The following SPNS3 variants were observed in gnomAD, a reference collection of about 807,000 sequenced individuals.
The protein encoded by SPNS3 is protein spinster homolog 3.
SPNS3 carries 51 observed loss-of-function variants against 54.4 expected under a neutral mutation model. The observed-to-expected ratio is 0.94, with a 90% confidence interval of 0.75 to 1.18. SPNS3 has a LOEUF of 1.18. Ranked by LOEUF, SPNS3 falls within the 50% of genes most tolerant of loss-of-function variation. The pLI is 0.00. For synonymous variants in SPNS3, 309 were observed against 294.7 expected, an observed-to-expected ratio of 1.05 and a Z score of -0.50; for missense variants, 669 against 677.4, an observed-to-expected ratio of 0.99 and a Z score of 0.14.
intron 8 of SPNS3, among the ~76,000 whole-genome samples, chr17:4,476,707 G>C (rs905011473): frequency 2.0e-5 from 3 of 152,138 alleles, no homozygotes; most frequent in African/African-American, 7.2e-5. Flanking sequence ...GCCCCTGTGG[G>C]TGCCCGGCCC....
chr17:4,447,620 G>C (rs905226534), intron 5 of SPNS3, among the ~76,000 whole-genome samples: 16 of 152,162 alleles, frequency 1.1e-4, no homozygotes, highest in African/African-American at 3.9e-4. Flanking sequence ...GGTGGGGTGG[G>C]CTTCAAGGAG....
chr17:4,484,141 A>G (rs1396526488), intron 9 of SPNS3, among the ~76,000 whole-genome samples: 1 of 152,116 alleles, frequency 6.6e-6, no homozygotes, highest in Non-Finnish European at 1.5e-5. Flanking sequence ...AAGGCCTGCA[A>G]TCCTCTCTCA....
chr17:4,457,801 C>T (rs1021564618), intron 8 of SPNS3, among the ~76,000 whole-genome samples: 2 of 152,158 alleles, frequency 1.3e-5, no homozygotes, highest in African/African-American at 4.8e-5. Context: ...TTGTCTCATC[C>T]AGAAATGACA....
intron 2 of SPNS3, among the ~76,000 whole-genome samples, chr17:4,440,799 G>T (rs1471749944): frequency 6.6e-6 from 1 of 152,170 alleles, no homozygotes. Context: ...GAAACGTGCT[G>T]GGGAGATTTG....
chr17:4,443,104 T>A (rs1970896370), intron 2 of SPNS3, among the ~76,000 whole-genome samples: 1 of 152,008 alleles, frequency 6.6e-6, no homozygotes, highest in Admixed American at 6.6e-5. Flanking sequence ...AGACTCTCGC[T>A]CTGTCACACA....
Position 4,448,300 on chromosome 17 carries a change from A to G in SPNS3, c.767A>G (p.Lys256Arg), listed in dbSNP as rs201210465. ...TGTGAGGACGTCAGATACCTGGGGAAAAAGTGAGTATCCCTGCTACCCCCT... is the reference window on the plus strand; with the variant it reads ...TGTGAGGACGTCAGATACCTGGGGAGAAAGTGAGTATCCCTGCTACCCCCT... Reference protein sequence around the residue: ...SWCEDVRYLGKNWSFVWSTLG... With the variant: ...SWCEDVRYLGRNWSFVWSTLG... Residue 256 changes from lysine (K) to arginine (R), a missense_variant, in exon 6 of 12, where the codon AAA becomes AGA. Lys to Arg is a conservative substitution (Grantham distance 26, BLOSUM62 2). Transcript: ENST00000355530. The G allele has an allele frequency of 5.8e-6, 9 of 1,560,676 alleles. No individual in the cohort carries two copies. The African/African-American group carries it at 9.6e-5, about 17-fold the overall frequency.
chr17:4,478,259 A>C (rs538865148), intron 8 of SPNS3, among the ~76,000 whole-genome samples: 33 of 152,140 alleles, frequency 2.2e-4, no homozygotes, highest in African/African-American at 7.2e-4. Context: ...GGCTTGAGCC[A>C]CCGTGCCTGG....
intron 8 of SPNS3, among the ~76,000 whole-genome samples, chr17:4,469,025 T>C (rs1414737179): frequency 6.6e-6 from 1 of 151,908 alleles, no homozygotes; most frequent in African/African-American, 2.4e-5. Flanking sequence ...TGACCTCAGG[T>C]GATCTGCCCA....
intron 8 of SPNS3, among the ~76,000 whole-genome samples, chr17:4,461,072 C>G (rs753551388): frequency 2.0e-5 from 3 of 151,992 alleles, no homozygotes; most frequent in Non-Finnish European, 2.9e-5. Context: ...TGAGTTGTTT[C>G]AGTAGTTTGT....
intron 8 of SPNS3, among the ~76,000 whole-genome samples, chr17:4,463,396 C>CAA (rs368770425): frequency 0.076 from 9,178 of 121,380 alleles, 345 homozygotes; most frequent in Middle Eastern, 0.13. Flanking sequence ...GACTCTGTCT[C>CAA]AAAAAAAAAA....
chr17:4,461,035 G>C, intron 8 of SPNS3, among the ~76,000 whole-genome samples: 1 of 152,088 alleles, frequency 6.6e-6, no homozygotes, highest in South Asian at 2.1e-4. Flanking sequence ...ACTTGTTATA[G>C]GTCAATTCAA....
intron 8 of SPNS3, among the ~76,000 whole-genome samples, chr17:4,472,186 C>T (rs1405465377): frequency 6.6e-6 from 1 of 152,144 alleles, no homozygotes; most frequent in Non-Finnish European, 1.5e-5. Context: ...CCTTGTCTCC[C>T]TCCCTTCCTT....
At chr17:4,477,952 G>GC (rs1972049894) in intron 8 of SPNS3, among the ~76,000 whole-genome samples, 2 of 116,484 alleles carry the variant, frequency 1.7e-5, no homozygotes, top group Admixed American at 8.6e-5. Context: ...TCTAAAGTCT[G>GC]TTTTTTTTTC....
chr17:4,459,525 A>C (rs1426114542), intron 8 of SPNS3, among the ~76,000 whole-genome samples: 4 of 152,128 alleles, frequency 2.6e-5, no homozygotes, highest in Non-Finnish European at 4.4e-5. Context: ...CAGCCTGGGC[A>C]ACACGGCAAA....
At chr17:4,476,994 C>T (rs1972020269) in intron 8 of SPNS3, among the ~76,000 whole-genome samples, 1 of 152,204 alleles carries the variant, frequency 6.6e-6, no homozygotes, top group Non-Finnish European at 1.5e-5. Context: ...TCCTGACTGT[C>T]CTTCAGGGCT....
intron 8 of SPNS3, among the ~76,000 whole-genome samples, chr17:4,471,318 T>G (rs59666587): frequency 0.021 from 3,262 of 152,322 alleles, 113 homozygotes; most frequent in African/African-American, 0.074. Context: ...TTTACACAGA[T>G]TCTTTATTCC....
At chr17:4,442,017 T>TGTGTGTGTGTGTGTGTG (rs10692534) in intron 2 of SPNS3, among the ~76,000 whole-genome samples, 96 of 150,580 alleles carry the variant, frequency 6.4e-4, no homozygotes, top group South Asian at 1.5e-3. Context: ...TGTGTGTGTG[T>TGTGTGTGTGTGTGTGTG]TTGGCAGTAG....
intron 9 of SPNS3, among the ~76,000 whole-genome samples, chr17:4,478,861 G>A (rs1972083084): frequency 1.3e-5 from 2 of 152,166 alleles, no homozygotes; most frequent in Admixed American, 1.3e-4. Context: ...GAGAAGGCAG[G>A]TGCCTGTTCC....
At chr17:4,474,498 A>G (rs1420310672) in intron 8 of SPNS3, among the ~76,000 whole-genome samples, 1 of 151,512 alleles carries the variant, frequency 6.6e-6, no homozygotes, top group Non-Finnish European at 1.5e-5. Flanking sequence ...CATTCTTTGC[A>G]GTTCAGAGTC....
Sources: allele counts gnomAD v4.1 joint callset (sites outside exome capture counted in the v4.1 genomes callset), GRCh38; gene constraint gnomAD v4.1.1; transcripts MANE v1.5; gene names NCBI Gene and HGNC (gene_info 2026-07-23, HGNC 2026-07-21).